Variants in PATJ observed in about 807,000 individuals in gnomAD.
The protein encoded by PATJ is PATJ crumbs cell polarity complex component.
Under a neutral mutation model 224.9 loss-of-function variants are expected in PATJ, and 190 were observed. The observed-to-expected ratio is 0.84, with a 90% CI of 0.75 to 0.95. The LOEUF is 0.95. Among genes scored for constraint, PATJ ranks in the 40% least tolerant of loss-of-function variants. The pLI is 0.00. For synonymous variants in PATJ, 769 were observed against 820.3 expected (o/e 0.94, Z 1.07); for missense variants, 2,121 against 2,270.3 (o/e 0.93, Z 1.34).
chr1:61,934,818 A>G (rs1333392984), intron 27 of PATJ, among the ~76,000 whole-genome samples: 2 of 152,142 alleles, frequency 1.3e-5, no homozygotes, highest in African/African-American at 4.8e-5. Context: ...TATGCCTCGG[A>G]TAGTCAACAG....
chr1:61,804,975 T>C (rs1376406677), intron 12 of PATJ, among the ~76,000 whole-genome samples: 2 of 152,186 alleles, frequency 1.3e-5, no homozygotes, highest in African/African-American at 2.4e-5. Flanking sequence ...TGTGTTGATA[T>C]GCGCTGCTGA....
chr1:61,983,593 T>G (rs1338197847), intron 27 of PATJ, among the ~76,000 whole-genome samples: 1 of 152,106 alleles, frequency 6.6e-6, no homozygotes, highest in Non-Finnish European at 1.5e-5. Context: ...TAGCATTGTT[T>G]GGAGCAATGT....
At chr1:61,865,789 C>T (rs1227025267) in intron 20 of PATJ, among the ~76,000 whole-genome samples, 1 of 152,110 alleles carries the variant, frequency 6.6e-6, no homozygotes, top group Non-Finnish European at 1.5e-5. Flanking sequence ...TTGCTTCCCT[C>T]TCTGAGGTTG....
chr1:61,937,143 C>T (rs981730880), intron 27 of PATJ, among the ~76,000 whole-genome samples: 2 of 152,162 alleles, frequency 1.3e-5, no homozygotes, highest in Non-Finnish European at 2.9e-5. Flanking sequence ...CACATATACA[C>T]ACAACATTTT....
intron 29 of PATJ, among the ~76,000 whole-genome samples, chr1:62,035,690 G>A (rs1263704525): frequency 6.6e-6 from 1 of 151,410 alleles, no homozygotes; most frequent in Non-Finnish European, 1.5e-5. Flanking sequence ...AGTGTCATAG[G>A]GAGTAGGACG....
intron 28 of PATJ, among the ~76,000 whole-genome samples, chr1:61,993,362 A>G (rs1247258237): frequency 3.3e-5 from 5 of 152,194 alleles, no homozygotes; most frequent in African/African-American, 1.2e-4. Context: ...GCTACCCACC[A>G]GACAGGTCCA....
At chr1:62,142,072 C>T (rs1351306443) in intron 41 of PATJ, among the ~76,000 whole-genome samples, 1 of 152,110 alleles carries the variant, frequency 6.6e-6, no homozygotes, top group East Asian at 1.9e-4. Context: ...AATAAATGAG[C>T]GAGTAAAGGA....
Position 61,864,432 on chromosome 1 carries a change from A to G in PATJ, c.2634A>G (p.Leu878=), listed in dbSNP as rs373106374. The G allele has an allele frequency of 2.1e-5, 34 of 1,613,518 alleles. No individual in the cohort carries two copies. In the Middle Eastern group the frequency reaches 8.2e-4, roughly 39 times the overall value. Reference sequence around the variant, plus strand: ...TTCTTGTTGATGAAGAATATGAGTTATATCAAGATCCCTCACCATCCATGG... The same window carrying G: ...TTCTTGTTGATGAAGAATATGAGTTGTATCAAGATCCCTCACCATCCATGG... ...REILVDEEYE[L]YQDPSPSMEL... is the part of the protein sequence containing the mutation. Residue 878 remains leucine, a synonymous_variant, in exon 20 of 44, where the codon TTA becomes TTG. Coordinates refer to ENST00000642238, the MANE Select transcript of PATJ (RefSeq NM_001350145.3).
intron 23 of PATJ, among the ~76,000 whole-genome samples, chr1:61,900,131 G>A (rs77099325): frequency 6.6e-6 from 1 of 152,216 alleles, no homozygotes; most frequent in Non-Finnish European, 1.5e-5. Context: ...CTCACCAGTC[G>A]CTGTAGTTTT....
intron 14 of PATJ, among the ~76,000 whole-genome samples, chr1:61,816,881 A>G (rs1656212747): frequency 2.6e-5 from 4 of 152,204 alleles, no homozygotes; most frequent in Admixed American, 6.5e-5. Flanking sequence ...CTTTCAAAAT[A>G]CACATGCCCT....
chr1:61,810,418 G>C (rs1481677557), intron 14 of PATJ, among the ~76,000 whole-genome samples: 1 of 152,016 alleles, frequency 6.6e-6, no homozygotes, highest in Non-Finnish European at 1.5e-5. Flanking sequence ...CAAATACAAA[G>C]CTGGGTGTGG....
chr1:61,862,737 G>A (rs751646608), intron 19 of PATJ, among the ~76,000 whole-genome samples: 9 of 151,886 alleles, frequency 5.9e-5, no homozygotes, highest in Non-Finnish European at 1.2e-4. Context: ...CCTACCTTAT[G>A]CTTTAATTTT....
Position 61,881,929 on chromosome 1 carries a change from T to C in PATJ, c.2960-2308T>C, listed in dbSNP as rs116565134. On this transcript the variant is annotated intron_variant, in intron 21 of 43. Coordinates refer to ENST00000642238, the MANE Select transcript of PATJ (RefSeq NM_001350145.3). ...CTTCCATTCTAACCATAACATTAGC[T>C]GTAGATTTCTTTGTTTTTCTACTTC... Among the ~76,000 whole-genome samples the C allele has an allele frequency of 3.8e-3, 572 of 152,322 alleles. 1 individual carries two copies. Among genetic ancestry groups the C allele is most frequent in the Non-Finnish European group, 5.7e-3 (390 of 68,028 alleles).
chr1:61,801,469 C>A (rs1379204239), intron 11 of PATJ, among the ~76,000 whole-genome samples, 154 bp from the exon 12 acceptor site: 1 of 152,206 alleles, frequency 6.6e-6, no homozygotes, highest in African/African-American at 2.4e-5. Flanking sequence ...TTTAAGGAAT[C>A]ATATATATAA....
At chr1:61,930,830 C>G (rs1319585926) in intron 27 of PATJ, among the ~76,000 whole-genome samples, 1 of 152,094 alleles carries the variant, frequency 6.6e-6, no homozygotes, top group African/African-American at 2.4e-5. Context: ...GCCTCAGCCT[C>G]CGGAGTAGCA....
At chr1:62,127,853 A>T (rs1192858088) in intron 39 of PATJ, 119 bp from the exon 40 acceptor site, 1 of 937,172 alleles carries the variant, frequency 1.1e-6, no homozygotes, top group Non-Finnish European at 1.6e-6. Context: ...TTTAACTCCT[A>T]TGTTATCCTG....
intron 20 of PATJ, among the ~76,000 whole-genome samples, chr1:61,871,562 T>A (rs1201905168): frequency 0.17 from 4,279 of 25,114 alleles, 105 homozygotes; most frequent in East Asian, 0.37. Flanking sequence ...TATATATTTT[T>A]TTTTTTTTTT....
At chr1:62,059,333 T>C (rs1360865862) in intron 31 of PATJ, among the ~76,000 whole-genome samples, 1 of 152,024 alleles carries the variant, frequency 6.6e-6, no homozygotes, top group South Asian at 2.1e-4. Flanking sequence ...CTTTGAAAAA[T>C]CGGTTAGGCC....
chr1:62,076,411 A>T (rs1376786837), intron 31 of PATJ, among the ~76,000 whole-genome samples: 2 of 152,168 alleles, frequency 1.3e-5, no homozygotes, highest in Non-Finnish European at 2.9e-5. Flanking sequence ...AGTCCATCTC[A>T]GTTCTTATAA....
Sources: gnomAD v4.1 joint callset for allele counts (sites outside exome capture counted in the v4.1 genomes callset) on GRCh38, gnomAD v4.1.1 for gene constraint, MANE v1.5 for transcripts, NCBI Gene and HGNC (gene_info 2026-07-23, HGNC 2026-07-21) for gene names.